The following TNIK variants were observed in gnomAD, a reference collection of about 807,000 sequenced individuals.
The protein encoded by TNIK is TRAF2 and NCK-interacting protein kinase.
A neutral mutation model predicts 191.3 loss-of-function variants in TNIK; 49 were observed. That is an observed-to-expected ratio of 0.26 (90% CI 0.20 to 0.32). The LOEUF (loss-of-function observed/expected upper bound fraction) is 0.32. Among genes scored for constraint, TNIK ranks in the 10% least tolerant of loss-of-function variants. The pLI, the probability that TNIK is intolerant of heterozygous loss-of-function variation, is 1.00. For synonymous variants in TNIK, 594 were observed against 600.9 expected (o/e 0.99, Z 0.17); for missense variants, 1,155 against 1,702.3 (o/e 0.68, Z 5.66).
At chr3:171,222,667 T>C (rs1382996617) in intron 3 of TNIK, among the ~76,000 whole-genome samples, 4 of 152,204 alleles carry the variant, frequency 2.6e-5, no homozygotes, top group Admixed American at 2.6e-4. Context: ...AGCCCTTTAA[T>C]AATGGGCAAA....
intron 2 of TNIK, among the ~76,000 whole-genome samples, chr3:171,306,892 G>A (rs959945979): frequency 1.3e-5 from 2 of 152,110 alleles, no homozygotes; most frequent in Non-Finnish European, 2.9e-5. Flanking sequence ...TGCTGCCGTG[G>A]TGATGGGAAA....
intron 4 of TNIK, among the ~76,000 whole-genome samples, chr3:171,201,971 A>T (rs1739470087): frequency 6.6e-6 from 1 of 152,172 alleles, no homozygotes. Context: ...ACAACTCTCT[A>T]CCTTGAACAT....
chr3:171,182,824 A>G (rs7643324), intron 7 of TNIK, among the ~76,000 whole-genome samples: 2,097 of 152,316 alleles, frequency 0.014, 48 homozygotes, highest in African/African-American at 0.048. Flanking sequence ...AAGAACCCCA[A>G]TGTGCACCAT....
At chr3:171,440,784 G>T (rs1291016911) in intron 1 of TNIK, among the ~76,000 whole-genome samples, 1 of 152,180 alleles carries the variant, frequency 6.6e-6, no homozygotes, top group Non-Finnish European at 1.5e-5. Context: ...TATGATAGGG[G>T]CTTGGGAAGA....
intron 2 of TNIK, among the ~76,000 whole-genome samples, chr3:171,228,790 T>A (rs1488114653): frequency 6.6e-6 from 1 of 152,234 alleles, no homozygotes; most frequent in Non-Finnish European, 1.5e-5. Context: ...AGGTGGGCTC[T>A]TTTGGTCTTT....
chr3:171,205,428 C>T (rs1739936241), intron 4 of TNIK, among the ~76,000 whole-genome samples: 1 of 152,186 alleles, frequency 6.6e-6, no homozygotes, highest in Non-Finnish European at 1.5e-5. Flanking sequence ...GTCCTTCAAA[C>T]CTGGCAGAAT....
intron 1 of TNIK, among the ~76,000 whole-genome samples, chr3:171,375,665 T>C (rs1025530568): frequency 6.6e-6 from 1 of 152,230 alleles, no homozygotes; most frequent in South Asian, 2.1e-4. Context: ...CTCTGAATGA[T>C]ACTGGATTTA....
intron 2 of TNIK, among the ~76,000 whole-genome samples, chr3:171,334,222 G>A (rs1298449495): frequency 6.6e-6 from 1 of 152,190 alleles, no homozygotes; most frequent in Non-Finnish European, 1.5e-5. Context: ...TTGGCTTTTA[G>A]GAAAATCACC....
At chr3:171,109,863 A>G (rs1398180005) in intron 19 of TNIK, among the ~76,000 whole-genome samples, 1 of 152,192 alleles carries the variant, frequency 6.6e-6, no homozygotes, top group African/African-American at 2.4e-5. Flanking sequence ...TTAAATATTT[A>G]GAGAGGCTAA....
intron 5 of TNIK, among the ~76,000 whole-genome samples, chr3:171,191,234 G>C (rs1437647539): frequency 2.0e-5 from 3 of 152,180 alleles, no homozygotes; most frequent in East Asian, 3.8e-4. Context: ...TTTACATTCT[G>C]TTATCCAATT....
At chr3:171,454,988 AAAG>A (rs1211616071) in intron 1 of TNIK, among the ~76,000 whole-genome samples, 2 of 152,200 alleles carry the variant, frequency 1.3e-5, no homozygotes, top group East Asian at 1.9e-4. Context: ...TTTTTTTAAA[AAAG>A]AAGGTTTTAA....
chr3:171,182,192 TTTTGGCTG>T (rs1736743328), intron 7 of TNIK, among the ~76,000 whole-genome samples: 1 of 138,712 alleles, frequency 7.2e-6, no homozygotes, highest in African/African-American at 3.0e-5. Flanking sequence ...TTTTTTTTTT[TTTTGGCTG>T]GGGTTCTCTT....
chr3:171,312,321 ATAT>A (rs112375391), intron 2 of TNIK, among the ~76,000 whole-genome samples: 37 of 151,786 alleles, frequency 2.4e-4, no homozygotes, highest in African/African-American at 8.7e-4. Flanking sequence ...TATCAGAAAA[ATAT>A]TATTTTTATA....
At chr3:171,297,396 C>T (rs1438037456) in intron 2 of TNIK, among the ~76,000 whole-genome samples, 1 of 152,180 alleles carries the variant, frequency 6.6e-6, no homozygotes, top group African/African-American at 2.4e-5. Flanking sequence ...AAAGAGATGA[C>T]TTCCTGCTGG....
At chr3:171,124,706 AT>A (rs1728228957) in intron 17 of TNIK, among the ~76,000 whole-genome samples, 1 of 152,172 alleles carries the variant, frequency 6.6e-6, no homozygotes, top group African/African-American at 2.4e-5. Context: ...AATTATTACT[AT>A]TTTTTCTTTT....
intron 9 of TNIK, among the ~76,000 whole-genome samples, chr3:171,173,220 TA>T (rs35147904): frequency 0.033 from 4,405 of 133,080 alleles, 99 homozygotes; most frequent in African/African-American, 0.075. Context: ...CTGTCTCTAC[TA>T]AAAAAAAAAA....
chr3:171,238,405 A>G (rs1744563420), intron 2 of TNIK, among the ~76,000 whole-genome samples: 1 of 151,998 alleles, frequency 6.6e-6, no homozygotes, highest in Non-Finnish European at 1.5e-5. Flanking sequence ...GAATTTAAAA[A>G]CTAGTTTTTT....
At chr3:171,301,546 T>C (rs9842240) in intron 2 of TNIK, among the ~76,000 whole-genome samples, 82,290 of 152,010 alleles carry the variant, frequency 0.54, 23,349 homozygotes, top group African/African-American at 0.68. Context: ...AACTCCTGAC[T>C]TCAAGTGATC....
Position 171,157,510 on chromosome 3 carries a change from G to A in TNIK, c.1171C>T (p.Arg391Cys), listed in dbSNP as rs1246594027. Residue 391 changes from arginine (R) to cysteine (C), a missense_variant, in exon 12 of 33, where the codon CGT becomes TGT. This residue lies in a region of TNIK where 735 missense variants were observed against 848.0 expected (regional missense o/e 0.87). Transcript: ENST00000436636. ...TTCTGCTCCTCGATGCGCTTCTGACGCTCGGCCAGCAGCTGCCGCTTGTGC... is the reference window on the plus strand; with the variant it reads ...TTCTGCTCCTCGATGCGCTTCTGACACTCGGCCAGCAGCTGCCGCTTGTGC... ...EEHKRQLLAE[R>C]QKRIEEQKEQ... 3.8e-6 allele frequency: 6 copies of A among 1,575,012 alleles called. No homozygotes were observed. Among genetic ancestry groups the A allele is most frequent in the Non-Finnish European group, 4.3e-6 (5 of 1,160,798 alleles).
Sources: gnomAD v4.1 joint callset for allele counts (sites outside exome capture counted in the v4.1 genomes callset) on GRCh38, gnomAD v4.1.1 for gene constraint, gnomAD v4.1.1 regional missense constraint, MANE v1.5 for transcripts, NCBI Gene and HGNC (gene_info 2026-07-23, HGNC 2026-07-21) for gene names.